The following ASIC2 variants were observed in gnomAD, a reference collection of about 807,000 sequenced individuals.
ASIC2 encodes acid sensing ion channel subunit 2, also known as acid-sensing ion channel 2.
Under a neutral mutation model 57.3 loss-of-function variants are expected in ASIC2, and 25 were observed. The observed-to-expected ratio is 0.44, with a 90% confidence interval of 0.32 to 0.61. The LOEUF is 0.61. ASIC2 is among the 20% of genes least tolerant of loss of function. The probability of loss-of-function intolerance (pLI) is 0.06; values close to 1 mark genes in which losing one functional copy is unlikely to be tolerated. For missense variants in ASIC2, 641 were observed against 738.1 expected (o/e 0.87, Z 1.52); for synonymous variants, 319 against 307.5 (o/e 1.04, Z -0.39).
intron 1 of ASIC2, among the ~76,000 whole-genome samples, chr17:33,991,535 C>T (rs911452103): frequency 2.0e-5 from 3 of 152,216 alleles, no homozygotes; most frequent in Non-Finnish European, 4.4e-5. Flanking sequence ...GGGTCTGCTG[C>T]ATCCTTGATC....
chr17:33,088,576 T>A (rs907127989), intron 3 of ASIC2, among the ~76,000 whole-genome samples: 41 of 151,826 alleles, frequency 2.7e-4, no homozygotes, highest in East Asian at 1.5e-3. Flanking sequence ...AAAAAAAAAT[T>A]TTTTTTAAAT....
intron 1 of ASIC2, among the ~76,000 whole-genome samples, chr17:33,257,233 T>C (rs1027607101): frequency 6.6e-6 from 1 of 152,180 alleles, no homozygotes; most frequent in East Asian, 1.9e-4. Flanking sequence ...CTTTAGCAAG[T>C]GAGGAGGCCT....
chr17:33,232,406 AATGGTATGGT>A (rs1160468658), intron 1 of ASIC2, among the ~76,000 whole-genome samples: 20 of 136,058 alleles, frequency 1.5e-4, no homozygotes, highest in African/African-American at 5.3e-4. Flanking sequence ...TATGGTATGG[AATGGTATGGT>A]ATGGTATGGT....
At chr17:33,399,072 G>A (rs1347472842) in intron 1 of ASIC2, among the ~76,000 whole-genome samples, 1 of 152,116 alleles carries the variant, frequency 6.6e-6, no homozygotes, top group Non-Finnish European at 1.5e-5. Flanking sequence ...AAGGCTGGAG[G>A]GAGAGAGAAG....
At chr17:33,654,258 T>C (rs1339707664) in intron 1 of ASIC2, among the ~76,000 whole-genome samples, 1 of 152,262 alleles carries the variant, frequency 6.6e-6, no homozygotes, top group East Asian at 1.9e-4. Context: ...CTAGAGCTTT[T>C]AGTTGAGAGC....
intron 1 of ASIC2, among the ~76,000 whole-genome samples, chr17:33,533,028 C>A (rs1054860761): frequency 6.6e-6 from 1 of 152,192 alleles, no homozygotes; most frequent in Non-Finnish European, 1.5e-5. Context: ...ACTTGATATT[C>A]AAAGCTCTCC....
intron 1 of ASIC2, among the ~76,000 whole-genome samples, chr17:33,823,507 T>A (rs1321728667): frequency 1.3e-5 from 2 of 152,166 alleles, no homozygotes; most frequent in Non-Finnish European, 2.9e-5. Context: ...AGGCCATTAG[T>A]GGGTTTCAGC....
intron 1 of ASIC2, among the ~76,000 whole-genome samples, chr17:34,074,278 G>T (rs527960681): frequency 9.9e-5 from 15 of 152,132 alleles, no homozygotes; most frequent in Non-Finnish European, 1.6e-4. Flanking sequence ...ATCCCAAGGG[G>T]CTAGGCACTG....
chr17:33,961,905 G>A (rs572371510), intron 1 of ASIC2, among the ~76,000 whole-genome samples: 1 of 152,222 alleles, frequency 6.6e-6, no homozygotes, highest in African/African-American at 2.4e-5. Context: ...AACAAGCTGG[G>A]GAGAAGCCAA....
At chr17:34,035,873 T>C in intron 1 of ASIC2, among the ~76,000 whole-genome samples, 1 of 151,818 alleles carries the variant, frequency 6.6e-6, no homozygotes, top group Non-Finnish European at 1.5e-5. Flanking sequence ...CATTAAAAAG[T>C]CAGGAAACAA....
intron 1 of ASIC2, among the ~76,000 whole-genome samples, chr17:33,772,051 C>T (rs981617994): frequency 3.3e-5 from 5 of 152,302 alleles, no homozygotes; most frequent in Admixed American, 2.6e-4. Context: ...GTCCCATTTT[C>T]CCCTGAGGCC....
rs1420478644 is a variant in ASIC2 at position 34,156,027 on chromosome 17, A to G, written c.506T>C (p.Leu169Pro). 1 of 1,613,830 alleles carries G rather than the reference A, an allele frequency of 6.2e-7. No homozygotes were observed. The highest frequency in any genetic ancestry group is 8.5e-7 in the Non-Finnish European group (1 of 1,179,956). ...CTCCTGCCCTTTGAACTTGCAGTAG[A>G]GCATCATATCCTTCAGGTCATGGCC... The change falls in exon 1 of 10, where the codon CTC becomes CCC. Residue 169 changes from leucine (L) to proline (P), a missense_variant. Coordinates refer to the ASIC2 transcript ENST00000359872. This position sits in a 1 kb window ranked among gnomAD's most constrained non-coding sequence, Gnocchi z 4.4.
At chr17:33,799,403 T>TTTTC (rs1555562483) in intron 1 of ASIC2, among the ~76,000 whole-genome samples, 1,003 of 51,268 alleles carry the variant, frequency 0.02, 22 homozygotes, top group Non-Finnish European at 0.027. Flanking sequence ...TCTTTCTTTC[T>TTTTC]TTTCTTTCTT....
At chr17:33,082,966 C>T (rs1158302488) in intron 3 of ASIC2, among the ~76,000 whole-genome samples, 2 of 152,136 alleles carry the variant, frequency 1.3e-5, no homozygotes, top group Non-Finnish European at 2.9e-5. Context: ...AGCCCTGACC[C>T]CTTTCATGAG....
intron 1 of ASIC2, among the ~76,000 whole-genome samples, chr17:33,702,637 G>T (rs1042371065): frequency 6.6e-6 from 1 of 152,162 alleles, no homozygotes; most frequent in African/African-American, 2.4e-5. Context: ...GACAGCCCAG[G>T]GACATCAAAA....
intron 3 of ASIC2, among the ~76,000 whole-genome samples, chr17:33,077,871 G>A (rs563797670): frequency 6.6e-6 from 1 of 152,272 alleles, no homozygotes; most frequent in African/African-American, 2.4e-5. Context: ...ATTCATTATA[G>A]TTGATATTTC....
At chr17:33,645,207 C>A (rs188826121) in intron 1 of ASIC2, among the ~76,000 whole-genome samples, 2 of 152,040 alleles carry the variant, frequency 1.3e-5, no homozygotes. Flanking sequence ...AATGTAATGC[C>A]GTAAATAAAT....
chr17:33,153,144 G>GA (rs1904867325), intron 1 of ASIC2, among the ~76,000 whole-genome samples: 1 of 152,232 alleles, frequency 6.6e-6, no homozygotes, highest in African/African-American at 2.4e-5. Context: ...CAGAGATGAG[G>GA]AAACAGTCTC....
At chr17:33,180,500 T>C (rs1170528057) in intron 1 of ASIC2, among the ~76,000 whole-genome samples, 1 of 152,156 alleles carries the variant, frequency 6.6e-6, no homozygotes, top group African/African-American at 2.4e-5. Flanking sequence ...CGTCCCTTGC[T>C]GGTGAGGTGG....
Sources: gnomAD v4.1 joint callset for allele counts (sites outside exome capture counted in the v4.1 genomes callset) on GRCh38, gnomAD v4.1.1 for gene constraint, Gnocchi (gnomAD v3.1) non-coding constraint, MANE v1.5 for transcripts, NCBI Gene and HGNC (gene_info 2026-07-23, HGNC 2026-07-21) for gene names.